The following TUSC3 variants were observed in gnomAD, a reference collection of about 807,000 sequenced individuals.
TUSC3 encodes the protein dolichyl-diphosphooligosaccharide--protein glycosyltransferase subunit TUSC3.
In TUSC3, 45 loss-of-function variants were observed where a neutral mutation model predicts 44.8. That is an observed-to-expected ratio of 1.00 (90% CI 0.79 to 1.29). The LOEUF is 1.29. TUSC3 is among the 50% of genes most tolerant of loss of function. The pLI is 0.00. For missense variants in TUSC3, 519 were observed against 437.9 expected, an observed-to-expected ratio of 1.19 and a Z score of -1.65; for synonymous variants, 212 against 152.9, an observed-to-expected ratio of 1.39 and a Z score of -2.85.
chr8:15,798,093 G>C, the TUSC3 span, among the ~76,000 whole-genome samples: 10 of 152,304 alleles, frequency 6.6e-5, no homozygotes, highest in Admixed American at 5.9e-4. Context: ...GTCCCACTAG[G>C]GGTTCTCTAC....
intron 1 of TUSC3, among the ~76,000 whole-genome samples, chr8:15,613,079 A>ATC (rs1446983369): frequency 2.7e-5 from 4 of 147,890 alleles, no homozygotes; most frequent in African/African-American, 4.9e-5. Context: ...ATATATATAT[A>ATC]TCATATATAT....
intron 2 of TUSC3, among the ~76,000 whole-genome samples, chr8:15,632,107 C>G (rs1220733536): frequency 6.6e-6 from 1 of 152,138 alleles, no homozygotes; most frequent in Non-Finnish European, 1.5e-5. Flanking sequence ...TTAAATTTTG[C>G]ATTTGTCTCC....
chr8:15,443,922 A>G (rs890802345), intron 1 of TUSC3, among the ~76,000 whole-genome samples: 1 of 151,900 alleles, frequency 6.6e-6, no homozygotes, highest in Non-Finnish European at 1.5e-5. Context: ...GACAACTTCA[A>G]TTCTGCCTAA....
the TUSC3 span, among the ~76,000 whole-genome samples, chr8:15,809,774 C>T: frequency 1.4e-3 from 216 of 152,264 alleles, 6 homozygotes; most frequent in East Asian, 0.028. Flanking sequence ...GATAAAAGAA[C>T]GACTGTAATT....
At chr8:15,617,347 C>T (rs1250489440) in intron 1 of TUSC3, among the ~76,000 whole-genome samples, 3 of 151,752 alleles carry the variant, frequency 2.0e-5, no homozygotes, top group Non-Finnish European at 4.4e-5. Context: ...ACCATATTGG[C>T]CGGGGTGGTC....
At chr8:15,448,879 A>T (rs1261458782) in intron 1 of TUSC3, among the ~76,000 whole-genome samples, 1 of 152,148 alleles carries the variant, frequency 6.6e-6, no homozygotes, top group Non-Finnish European at 1.5e-5. Flanking sequence ...GAGGTGAAAA[A>T]TTTCTATCAC....
At chr8:15,539,795 T>A (rs1334970042), upstream of TUSC3, among the ~76,000 whole-genome samples, 4 of 152,164 alleles carry the variant, frequency 2.6e-5, no homozygotes, top group African/African-American at 9.7e-5. Flanking sequence ...GTCTAGGTTG[T>A]GCCTCAGGCC....
At chr8:15,529,757 G>A (rs186620346) in intron 2 of TUSC3, among the ~76,000 whole-genome samples, 23 of 146,366 alleles carry the variant, frequency 1.6e-4, no homozygotes, top group African/African-American at 5.7e-4. Context: ...TAGAATACAG[G>A]TTGCCATATG....
At chr8:15,487,264 A>G (rs180927324) in intron 2 of TUSC3, among the ~76,000 whole-genome samples, 23 of 152,196 alleles carry the variant, frequency 1.5e-4, no homozygotes, top group Non-Finnish European at 2.9e-5. Flanking sequence ...AACTTTAAAC[A>G]TGCCATGGTG....
chr8:15,670,182 T>C (rs1344476229), intron 5 of TUSC3, among the ~76,000 whole-genome samples: 1 of 151,864 alleles, frequency 6.6e-6, no homozygotes, highest in East Asian at 1.9e-4. Context: ...CGTCTTGATC[T>C]TGAGTAGAAT....
In TUSC3 at chr8:15,557,697, T is replaced by A. The variant is rs1259232319; in HGVS notation, c.138+17129T>A. On this transcript the variant is annotated intron_variant, in intron 1 of 10. Transcript: ENST00000503731. Reference sequence around the variant, plus strand: ...TATTTCCTTGAGCAGTGGTTGGTAGTTCTCCTTGAAGAGGTCCTTCACATC... The same window carrying A: ...TATTTCCTTGAGCAGTGGTTGGTAGATCTCCTTGAAGAGGTCCTTCACATC... 2.3e-5 allele frequency among the ~76,000 whole-genome samples: 3 copies of A among 132,012 alleles called. 1 individual carries two copies. Among genetic ancestry groups the A allele is most frequent in the Non-Finnish European group, 5.0e-5 (3 of 59,640 alleles). 86.6% of individuals were successfully genotyped at this position (132,012 alleles called of 152,430 possible).
chr8:15,589,855 C>A (rs970984951), intron 1 of TUSC3, among the ~76,000 whole-genome samples: 2 of 152,118 alleles, frequency 1.3e-5, no homozygotes, highest in African/African-American at 4.8e-5. Flanking sequence ...TCTAGAACTT[C>A]TTTTGGAAAA....
At chr8:15,643,331 G>C (rs547194334) in intron 2 of TUSC3, among the ~76,000 whole-genome samples, 2 of 151,856 alleles carry the variant, frequency 1.3e-5, no homozygotes, top group African/African-American at 4.8e-5. Context: ...CGAACAATGC[G>C]TTAAATGATT....
intron 1 of TUSC3, among the ~76,000 whole-genome samples, chr8:15,461,326 T>C (rs562637729): frequency 1.3e-5 from 2 of 152,134 alleles, no homozygotes; most frequent in Non-Finnish European, 2.9e-5. Context: ...GTTCTTGACT[T>C]GATTCTCTGC....
chr8:15,709,380 T>C (rs1809748689), intron 6 of TUSC3, among the ~76,000 whole-genome samples: 1 of 151,864 alleles, frequency 6.6e-6, no homozygotes, highest in African/African-American at 2.4e-5. Context: ...GTTAGAGAAA[T>C]TAGATTTTGT....
chr8:15,625,449 C>T (rs543831489), intron 2 of TUSC3, among the ~76,000 whole-genome samples: 42 of 152,164 alleles, frequency 2.8e-4, no homozygotes, highest in African/African-American at 8.9e-4. Context: ...TAGCATTTTC[C>T]AGTAAAATCA....
At chr8:15,457,446 C>T (rs1495081) in intron 1 of TUSC3, among the ~76,000 whole-genome samples, 126,759 of 151,720 alleles carry the variant, frequency 0.84, 53,094 homozygotes, top group East Asian at 0.97. Context: ...AAAACTATTT[C>T]ATAACACTTT....
At chr8:15,818,491 GA>G in the TUSC3 span, among the ~76,000 whole-genome samples, 1 of 152,104 alleles carries the variant, frequency 6.6e-6, no homozygotes, top group Admixed American at 6.6e-5. Flanking sequence ...TGTACAGCTT[GA>G]ATTTTGTCAT....
At position 15,504,609 on chromosome 8, in the gene TUSC3, ATATATATATATATTTT is replaced by A. The variant is rs1285294762; in HGVS notation, n.189+21128_189+21143del. The stretch of plus-strand genomic sequence containing the variant: ...TATATATATATATATATATATATAT[ATATATATATATATTTT>A]TTTTTTTTTTTTTTTTTAAGTGGGT... On this transcript the variant is annotated intron_variant and non_coding_transcript_variant, in intron 2 of 5. Coordinates refer to the TUSC3 transcript ENST00000503191. Among the ~76,000 whole-genome samples the A allele has an allele frequency of 2.7e-3, 69 of 25,956 alleles. No individual in the cohort carries two copies. The East Asian group carries it at 0.03, about 11-fold the overall frequency. 17.0% of individuals were successfully genotyped at this position (25,956 alleles called of 152,430 possible).
Sources: gnomAD v4.1 joint callset for allele counts (sites outside exome capture counted in the v4.1 genomes callset) on GRCh38, gnomAD v4.1.1 for gene constraint, MANE v1.5 for transcripts, NCBI Gene and HGNC (gene_info 2026-07-23, HGNC 2026-07-21) for gene names.